The following RYR2 variants were observed in gnomAD, a reference collection of about 807,000 sequenced individuals.
The protein encoded by RYR2 is cardiac muscle ryanodine receptor-calcium release channel.
A neutral mutation model predicts 601.1 loss-of-function variants in RYR2; 227 were observed. The ratio of observed to expected loss-of-function variants is 0.38; its 90% CI spans 0.34 to 0.42. The LOEUF is 0.42. Among genes scored for constraint, RYR2 ranks in the 10% least tolerant of loss-of-function variants. The pLI, the probability that RYR2 is intolerant of heterozygous loss-of-function variation, is 1.00. For synonymous variants in RYR2, 2,223 were observed against 2,175.1 expected, an observed-to-expected ratio of 1.02 and a Z score of -0.61; for missense variants, 4,646 against 6,156.5, an observed-to-expected ratio of 0.75 and a Z score of 8.21.
In RYR2 at chr1:237,468,723, G is replaced by A. The variant is rs542355814; in HGVS notation, c.1613-369G>A. 9.2e-5 allele frequency among the ~76,000 whole-genome samples: 14 copies of A among 152,226 alleles called. No individual in the cohort carries two copies. The South Asian group carries it at 2.7e-3, about 29-fold the overall frequency. On this transcript the variant is annotated intron_variant, in intron 16 of 104. Coordinates refer to ENST00000366574, the MANE Select transcript of RYR2 (RefSeq NM_001035.3). ...TTTATTCTATAGGTAAGAAAATTGG[G>A]CTTGAGAGAGAAGAATAATTTAATC...
chr1:237,090,000 C>T (rs1056629953), intron 1 of RYR2, among the ~76,000 whole-genome samples: 1 of 152,174 alleles, frequency 6.6e-6, no homozygotes, highest in Non-Finnish European at 1.5e-5. Context: ...AGGAAACTTA[C>T]AATCATGGCA....
intron 24 of RYR2, among the ~76,000 whole-genome samples, chr1:237,517,215 AC>A (rs1242108136): frequency 2.0e-5 from 3 of 152,120 alleles, no homozygotes; most frequent in South Asian, 4.1e-4. Context: ...TCTTCATTTC[AC>A]CCTTAAAGGA....
At chr1:237,329,865 A>AG (rs1696542760) in intron 2 of RYR2, among the ~76,000 whole-genome samples, 1 of 152,100 alleles carries the variant, frequency 6.6e-6, no homozygotes, top group Non-Finnish European at 1.5e-5. Context: ...TAAGAGAAAG[A>AG]GAAAAAAAGA....
chr1:237,772,180 GT>G, intron 86 of RYR2, 80 bp downstream of exon 86: 1 of 765,530 alleles, frequency 1.3e-6, no homozygotes, highest in Non-Finnish European at 2.1e-6. Context: ...ATGTGTTTTG[GT>G]TTATAACTAG....
At chr1:237,594,886 GTTTTT>G (rs776702428) in intron 33 of RYR2, among the ~76,000 whole-genome samples, 6 of 60,418 alleles carry the variant, frequency 9.9e-5, no homozygotes, top group African/African-American at 3.8e-4. Flanking sequence ...ATATCACTGG[GTTTTT>G]TTTTTTTTTT....
intron 12 of RYR2, among the ~76,000 whole-genome samples, chr1:237,438,046 A>G (rs1237104902): frequency 6.6e-6 from 1 of 152,094 alleles, no homozygotes; most frequent in African/African-American, 2.4e-5. Context: ...AAAAATTTCT[A>G]CTGATTAACT....
intron 2 of RYR2, among the ~76,000 whole-genome samples, chr1:237,285,753 G>A (rs1572475644): frequency 1.3e-5 from 2 of 152,140 alleles, no homozygotes; most frequent in African/African-American, 4.8e-5. Flanking sequence ...TTTAAGCTAG[G>A]AGGGTTGTAT....
At chr1:237,087,552 A>G (rs893308291) in intron 1 of RYR2, among the ~76,000 whole-genome samples, 2 of 152,252 alleles carry the variant, frequency 1.3e-5, no homozygotes, top group African/African-American at 4.8e-5. Flanking sequence ...TTCTAATGCC[A>G]GATGCACCAA....
At chr1:237,061,802 G>A (rs1015746399) in intron 1 of RYR2, among the ~76,000 whole-genome samples, 5 of 147,312 alleles carry the variant, frequency 3.4e-5, no homozygotes, top group African/African-American at 9.9e-5. Context: ...ATGGTTTGTG[G>A]TTTTTTTTTT....
intron 34 of RYR2, among the ~76,000 whole-genome samples, chr1:237,600,387 T>G (rs1676370855): frequency 6.6e-6 from 1 of 152,148 alleles, no homozygotes; most frequent in Non-Finnish European, 1.5e-5. Context: ...CAGGGAAAAT[T>G]GAATATCCAC....
intron 8 of RYR2, among the ~76,000 whole-genome samples, chr1:237,377,752 A>G (rs1701160759): frequency 6.6e-6 from 1 of 152,194 alleles, no homozygotes; most frequent in African/African-American, 2.4e-5. Context: ...TAAAAATTCT[A>G]TGGTCTTTAT....
rs376788358 is a variant in RYR2 at position 237,659,982 on chromosome 1, A to G, written c.8209-3A>G. On this transcript the variant is annotated splice_polypyrimidine_tract_variant and splice_region_variant and intron_variant, in intron 54 of 104. Transcript: ENST00000366574. Reference sequence around the variant, plus strand: ...CAATTTTTAATGTTTGCCTTTTTTTAAGTTGGCAAATGGATGGATTTATGG... The same window carrying G: ...CAATTTTTAATGTTTGCCTTTTTTTGAGTTGGCAAATGGATGGATTTATGG... 117 of 1,571,196 alleles carry G rather than the reference A, an allele frequency of 7.4e-5. No individual in the cohort carries two copies. The African/African-American group carries it at 1.5e-3, about 20-fold the overall frequency.
At chr1:237,569,368 G>A (rs1293212647) in intron 29 of RYR2, 49 bp downstream of exon 29, 7 of 1,568,556 alleles carry the variant, frequency 4.5e-6, no homozygotes, top group East Asian at 4.6e-5. Flanking sequence ...GCACAAGGAA[G>A]CTTTCATCCT....
chr1:237,611,802 G>T (rs1267853342), intron 36 of RYR2, among the ~76,000 whole-genome samples: 1 of 152,110 alleles, frequency 6.6e-6, no homozygotes, highest in Non-Finnish European at 1.5e-5. Flanking sequence ...ATCTTTAGAT[G>T]TTCTTGGCAT....
chr1:237,750,485 A>G (rs1692451521), intron 80 of RYR2, among the ~76,000 whole-genome samples: 1 of 151,288 alleles, frequency 6.6e-6, no homozygotes, highest in African/African-American at 2.4e-5. Flanking sequence ...ACATAAATTT[A>G]ATAATATAAT....
At chr1:237,216,941 A>T (rs1683248830) in intron 1 of RYR2, among the ~76,000 whole-genome samples, 1 of 152,186 alleles carries the variant, frequency 6.6e-6, no homozygotes, top group Admixed American at 6.5e-5. Context: ...ACCAAAGTGA[A>T]GGACTCTTCC....
intron 36 of RYR2, among the ~76,000 whole-genome samples, chr1:237,613,445 A>G (rs1417067792): frequency 2.6e-5 from 4 of 152,152 alleles, no homozygotes; most frequent in Non-Finnish European, 4.4e-5. Flanking sequence ...TTTCTCCACT[A>G]GAGACTTTTT....
At chr1:237,448,628 C>T (rs73106477) in intron 14 of RYR2, among the ~76,000 whole-genome samples, 16,467 of 152,008 alleles carry the variant, frequency 0.11, 1,483 homozygotes, top group African/African-American at 0.25. Flanking sequence ...CTCCTTGCTG[C>T]TTGTCACCTT....
chr1:237,687,611 G>A (rs1686545479), intron 63 of RYR2, 107 bp downstream of exon 63: 2 of 836,002 alleles, frequency 2.4e-6, no homozygotes, highest in South Asian at 1.5e-5. Context: ...TGTTTGCATG[G>A]CTGCATGCAT....
Sources: allele counts gnomAD v4.1 joint callset (sites outside exome capture counted in the v4.1 genomes callset), GRCh38; gene constraint gnomAD v4.1.1; transcripts MANE v1.5; gene names NCBI Gene and HGNC (gene_info 2026-07-23, HGNC 2026-07-21).